FARP1: variants seen among roughly 807,000 people sequenced by gnomAD.
FARP1 encodes the protein FERM, ARH/RhoGEF and pleckstrin domain protein 1.
A neutral mutation model predicts 128.8 loss-of-function variants in FARP1; 52 were observed. That is an observed-to-expected ratio of 0.40 (90% confidence interval 0.32 to 0.51). The LOEUF (loss-of-function observed/expected upper bound fraction) is 0.51, where lower values mean the gene tolerates loss of function less well. Ranked by LOEUF, FARP1 falls within the 20% of genes least tolerant of loss-of-function variation. The pLI is 0.45. For synonymous variants in FARP1, 580 were observed against 551.8 expected (o/e 1.05, Z -0.72); for missense variants, 1,333 against 1,367.9 (o/e 0.97, Z 0.40).
At chr13:98,171,522 T>TA (rs1877652190) in intron 1 of FARP1, among the ~76,000 whole-genome samples, 1 of 151,834 alleles carries the variant, frequency 6.6e-6, no homozygotes, top group Non-Finnish European at 1.5e-5. Context: ...TTCCTGCTGC[T>TA]ATAGTCCTCT....
At chr13:98,397,915 A>AG (rs1555291503) in intron 13 of FARP1, 5 of 37,516 alleles carry the variant, frequency 1.3e-4, no homozygotes, top group South Asian at 9.1e-4. Flanking sequence ...AAAAAAAAAA[A>AG]AAAAGATAAA....
intron 26 of FARP1, 68 bp downstream of exon 26, chr13:98,446,885 C>T: frequency 6.4e-7 from 1 of 1,559,648 alleles, no homozygotes; most frequent in South Asian, 1.1e-5. Context: ...ATCAGGATTT[C>T]TCCCAAGTCA....
chr13:98,275,269 T>G (rs1233122937), intron 2 of FARP1, among the ~76,000 whole-genome samples: 1 of 151,894 alleles, frequency 6.6e-6, no homozygotes, highest in Non-Finnish European at 1.5e-5. Flanking sequence ...CTGAGCTATT[T>G]ATGCATGGAA....
At chr13:98,201,122 C>G (rs1212504600) in intron 1 of FARP1, among the ~76,000 whole-genome samples, 1 of 152,042 alleles carries the variant, frequency 6.6e-6, no homozygotes, top group Non-Finnish European at 1.5e-5. Context: ...ACCCATTAGC[C>G]AACTCAAAGA....
chr13:98,275,291 A>G (rs113995680), intron 2 of FARP1, among the ~76,000 whole-genome samples: 2,648 of 151,794 alleles, frequency 0.017, 74 homozygotes, highest in African/African-American at 0.06. Flanking sequence ...ACATGATGTC[A>G]GAGATTTGCT....
chr13:98,227,007 C>G (rs1195134165), intron 2 of FARP1, among the ~76,000 whole-genome samples: 1 of 151,910 alleles, frequency 6.6e-6, no homozygotes, highest in African/African-American at 2.4e-5. Context: ...GTGGCACGAT[C>G]TCGGCTCACT....
intron 13 of FARP1, chr13:98,395,772 T>C (rs3783016): frequency 0.23 from 97,191 of 414,114 alleles, 17,781 homozygotes; most frequent in East Asian, 0.8. Flanking sequence ...ACATCACCTT[T>C]GATATGAGCG....
intron 1 of FARP1, among the ~76,000 whole-genome samples, chr13:98,212,400 T>A (rs114036217): frequency 0.088 from 13,341 of 152,158 alleles, 644 homozygotes; most frequent in African/African-American, 0.11. Flanking sequence ...GGTAGAAGTT[T>A]CCAGGTGAAG....
chr13:98,362,302 G>C (rs1204081942), intron 3 of FARP1, among the ~76,000 whole-genome samples: 1 of 152,132 alleles, frequency 6.6e-6, no homozygotes, highest in African/African-American at 2.4e-5. Flanking sequence ...TCCCCAGCCA[G>C]CTACCCCCCA....
In FARP1 at chr13:98,388,335, T is replaced by C. The variant is rs116695798; in HGVS notation, c.760-48T>C. The C allele has an allele frequency of 1.3e-3, 1,797 of 1,431,654 alleles. 15 individuals are homozygous for C. The African/African-American group carries it at 0.023, about 18-fold the overall frequency. 88.7% of individuals were successfully genotyped at this position (1,431,654 alleles called of 1,614,324 possible). A position where few individuals can be genotyped will look rare whatever the true frequency, so the allele number is the denominator to read the frequency against. On this transcript the variant is annotated intron_variant, in intron 8 of 26. Transcript: ENST00000319562. ...TAAGCAAAACAGACCAACTCCCAAGTTGCTTGTTATGCATTTCCTGGCTCA... is the reference window on the plus strand; with the variant it reads ...TAAGCAAAACAGACCAACTCCCAAGCTGCTTGTTATGCATTTCCTGGCTCA...
chr13:98,171,916 T>C (rs1329113982), intron 1 of FARP1, among the ~76,000 whole-genome samples: 1 of 152,208 alleles, frequency 6.6e-6, no homozygotes, highest in Non-Finnish European at 1.5e-5. Context: ...TATCTCATTT[T>C]CTTCCCTATC....
At chr13:98,438,931 C>G (rs976776975) in intron 20 of FARP1, 59 bp downstream of exon 20, 14 of 1,581,568 alleles carry the variant, frequency 8.9e-6, no homozygotes, top group Non-Finnish European at 1.0e-5. Flanking sequence ...AAGCAAGGCT[C>G]CCAAGGCCGG....
Position 98,427,341 on chromosome 13 carries a change from C to T in FARP1, c.1905+2691C>T, listed in dbSNP as rs150184612. On this transcript the variant is annotated intron_variant, in intron 17 of 26. Transcript: ENST00000319562. ...CTTTTTCCTCTCTCATGTAACAGGA[C>T]GCTGTTTCTGTTGTTCTCTCCCATC... 1.6e-3 allele frequency among the ~76,000 whole-genome samples: 240 copies of T among 152,270 alleles called. 1 individual carries two copies. Among genetic ancestry groups the T allele is most frequent in the Admixed American group, 9.2e-4 (14 of 15,290 alleles).
rs1276362101 is a variant in FARP1, at chr13:98,176,631, A to T, written c.-24+33139A>T. ...AGCTGTCCCCGAAGCCACAGAAGCC[A>T]GTCTCCTTGTAGTCCTTGCAGATGT... On this transcript the variant is annotated intron_variant, in intron 1 of 26. Transcript: ENST00000319562. The surrounding 1 kb of genome is among the most constrained non-coding windows in gnomAD (Gnocchi z 6.2). 6.2e-7 allele frequency: 1 copy of T among 1,614,112 alleles called. No individual in the cohort carries two copies. The highest frequency in any genetic ancestry group is 8.5e-7 in the Non-Finnish European group (1 of 1,180,048).
chr13:98,155,399 G>A (rs1371938759), intron 1 of FARP1, among the ~76,000 whole-genome samples: 4 of 151,254 alleles, frequency 2.6e-5, no homozygotes, highest in Admixed American at 2.0e-4. Flanking sequence ...TGCTACCAAG[G>A]AGCCCGATAA....
intron 1 of FARP1, chr13:98,208,381 G>A (rs1159105626): frequency 6.6e-6 from 1 of 152,040 alleles, no homozygotes; most frequent in African/African-American, 2.4e-5. Context: ...GGGAGGTTGA[G>A]GCAGGAGAAT....
At chr13:98,277,362 T>C (rs1373756489) in intron 2 of FARP1, among the ~76,000 whole-genome samples, 1 of 152,160 alleles carries the variant, frequency 6.6e-6, no homozygotes, top group Non-Finnish European at 1.5e-5. Context: ...AGAAACAGGA[T>C]CTTGCTTTGT....
chr13:98,378,255 C>G (rs1889675566), intron 6 of FARP1, among the ~76,000 whole-genome samples: 1 of 152,196 alleles, frequency 6.6e-6, no homozygotes, highest in Non-Finnish European at 1.5e-5. Flanking sequence ...TGGATTTAAA[C>G]TTTATCATTG....
At chr13:98,152,804 A>G (rs1876107433) in intron 1 of FARP1, among the ~76,000 whole-genome samples, 1 of 152,194 alleles carries the variant, frequency 6.6e-6, no homozygotes, top group African/African-American at 2.4e-5. Flanking sequence ...ACTGTTAGAG[A>G]TGATCTCTTT....
Sources: allele counts gnomAD v4.1 joint callset (sites outside exome capture counted in the v4.1 genomes callset), GRCh38; gene constraint gnomAD v4.1.1; non-coding constraint Gnocchi (gnomAD v3.1); transcripts MANE v1.5; gene names NCBI Gene and HGNC (gene_info 2026-07-23, HGNC 2026-07-21).